The following ESR2 variants were observed in gnomAD, a reference collection of about 807,000 sequenced individuals.
ESR2 encodes the protein estrogen receptor 2.
Under a neutral mutation model 49.6 loss-of-function variants are expected in ESR2, and 36 were observed. The observed-to-expected ratio is 0.73, with a 90% CI of 0.56 to 0.96. ESR2 has a LOEUF of 0.96. Among genes scored for constraint, ESR2 ranks in the 40% least tolerant of loss-of-function variants. The pLI, the probability that ESR2 is intolerant of heterozygous loss-of-function variation, is 0.00. For missense variants in ESR2, 714 were observed against 693.0 expected, an observed-to-expected ratio of 1.03 and a Z score of -0.34; for synonymous variants, 320 against 266.1, an observed-to-expected ratio of 1.20 and a Z score of -1.97.
Position 64,325,675 on chromosome 14 carries a change from C to G in ESR2, c.-91+12223G>C, listed in dbSNP as rs911175468. On this transcript the variant is annotated intron_variant, in intron 1 of 8. Transcript: ENST00000358599. ...TGGATTTTCTTCTACTTCTGCTACC[C>G]CGGAGACAGCAAGACCAACCCCTCC... is the stretch of plus-strand genomic sequence containing the variant. Among the ~76,000 whole-genome samples, 3 of 152,052 alleles carry G rather than the reference C, an allele frequency of 2.0e-5. No individual in the cohort carries two copies. In the South Asian group the frequency reaches 6.2e-4, roughly 31 times the overall value.
chr14:64,246,016 G>A (rs79935155), intron 7 of ESR2, among the ~76,000 whole-genome samples: 2,572 of 152,316 alleles, frequency 0.017, 75 homozygotes, highest in African/African-American at 0.059. Context: ...AGGTCAGAAA[G>A]GGTTGATCTT....
At chr14:64,295,042 C>G (rs893729980), upstream of ESR2, among the ~76,000 whole-genome samples, 2 of 152,216 alleles carry the variant, frequency 1.3e-5, no homozygotes, top group African/African-American at 4.8e-5. Context: ...CTGGTGGCAG[C>G]CCCAGTTCCC....
At chr14:64,282,479 G>A (rs2140818700) in intron 2 of ESR2, 145 bp downstream of exon 2, 2 of 787,378 alleles carry the variant, frequency 2.5e-6, no homozygotes, top group Non-Finnish European at 4.0e-6. Context: ...ATAGAACAGG[G>A]CATCCTGTGT....
At chr14:64,328,860 A>G (rs1202316860) in intron 1 of ESR2, among the ~76,000 whole-genome samples, 1 of 152,074 alleles carries the variant, frequency 6.6e-6, no homozygotes, top group Non-Finnish European at 1.5e-5. Flanking sequence ...ACACAGTCTG[A>G]CTCTAAAGAC....
intron 1 of ESR2, among the ~76,000 whole-genome samples, chr14:64,325,718 A>T (rs370558143): frequency 6.6e-6 from 1 of 152,124 alleles, no homozygotes; most frequent in Admixed American, 6.5e-5. Context: ...CCTCCTTCTC[A>T]GACTACTCAA....
intron 1 of ESR2, among the ~76,000 whole-genome samples, chr14:64,325,076 T>C (rs914841343): frequency 1.3e-5 from 2 of 152,192 alleles, no homozygotes; most frequent in Admixed American, 6.5e-5. Flanking sequence ...TTTTAGGAGA[T>C]ATTGACAAAT....
intron 6 of ESR2, among the ~76,000 whole-genome samples, chr14:64,256,969 C>T (rs556261843): frequency 3.9e-5 from 6 of 152,114 alleles, no homozygotes; most frequent in Non-Finnish European, 7.4e-5. Flanking sequence ...CACATACCTA[C>T]GGGATACAGT....
intron 1 of ESR2, among the ~76,000 whole-genome samples, chr14:64,290,488 G>T (rs754139333): frequency 6.6e-6 from 1 of 151,938 alleles, no homozygotes; most frequent in Non-Finnish European, 1.5e-5. Context: ...CTGTAAACTC[G>T]GCCTCCCAGG....
At chr14:64,254,284 C>A (rs1398333637) in intron 6 of ESR2, among the ~76,000 whole-genome samples, 1 of 152,064 alleles carries the variant, frequency 6.6e-6, no homozygotes, top group Non-Finnish European at 1.5e-5. Flanking sequence ...AAAAAAGAGT[C>A]GTAATAGAAG....
chr14:64,293,350 T>C (rs1187188526), intron 1 of ESR2, among the ~76,000 whole-genome samples: 2 of 152,218 alleles, frequency 1.3e-5, no homozygotes, highest in Non-Finnish European at 2.9e-5. Context: ...AAGTCTGTCC[T>C]CCAAAATGTT....
At chr14:64,301,038 C>A (rs1423366794) in intron 1 of ESR2, among the ~76,000 whole-genome samples, 1 of 152,126 alleles carries the variant, frequency 6.6e-6, no homozygotes. Context: ...GGTGGGTACT[C>A]CTTATGTCTC....
chr14:64,293,830 CTAAA>C (rs776730500), intron 1 of ESR2, among the ~76,000 whole-genome samples, 199 bp downstream of exon 1: 20 of 152,202 alleles, frequency 1.3e-4, no homozygotes, highest in Non-Finnish European at 2.6e-4. Flanking sequence ...ACGGCACAAA[CTAAA>C]TAAGTTAACT....
chr14:64,270,592 C>A (rs1283728007), intron 3 of ESR2, among the ~76,000 whole-genome samples: 1 of 152,044 alleles, frequency 6.6e-6, no homozygotes, highest in Non-Finnish European at 1.5e-5. Flanking sequence ...CTCACTGCAA[C>A]CTCTGCCCCC....
At chr14:64,254,562 C>T (rs1053986591) in intron 6 of ESR2, among the ~76,000 whole-genome samples, 1 of 145,494 alleles carries the variant, frequency 6.9e-6, no homozygotes. Context: ...GCTTGGCCAA[C>T]ATGGTAAAAC....
At chr14:64,331,289 A>C (rs1191747267) in intron 1 of ESR2, among the ~76,000 whole-genome samples, 1 of 152,250 alleles carries the variant, frequency 6.6e-6, no homozygotes, top group East Asian at 1.9e-4. Context: ...ATAACGATAA[A>C]AGGGGCAATT....
At position 64,283,073 on chromosome 14, in the gene ESR2, T is replaced by A; in HGVS notation, c.-88A>T. The A allele has an allele frequency of 1.4e-6, 2 of 1,380,454 alleles. No homozygotes were observed. Among genetic ancestry groups the A allele is most frequent in the Non-Finnish European group, 2.0e-6 (2 of 1,016,650 alleles). 85.5% of individuals were successfully genotyped at this position (1,380,454 alleles called of 1,614,324 possible). On this transcript the variant is annotated splice_region_variant and 5_prime_UTR_variant, in exon 2 of 9. Transcript: ENST00000341099. Reference sequence around the variant, plus strand: ...CTCAAAGATTCGTGGGCAAGTATAATGGCTGTAAAGAAACACAGAAGATAT... The same window carrying A: ...CTCAAAGATTCGTGGGCAAGTATAAAGGCTGTAAAGAAACACAGAAGATAT...
chr14:64,232,465 A>C lies in ESR2; in HGVS notation c.*672T>G, dbSNP rs187851763. On this transcript the variant is annotated 3_prime_UTR_variant, in exon 9 of 9. Coordinates refer to ENST00000341099, the MANE Select transcript of ESR2 (RefSeq NM_001437.3). ...TCACACGCTCATACACACATACCCC[A>C]AATTATTGGCAGGCTCTGTGAATAC... 1 of 152,266 alleles carries C rather than the reference A, an allele frequency of 6.6e-6. No homozygotes were observed. The highest frequency in any genetic ancestry group is 1.5e-5 in the Non-Finnish European group (1 of 68,060). The allele number at this position is 152,266 out of a possible 1,614,324, so 9.4% of individuals were successfully genotyped here.
rs1216484083 is a variant in ESR2 at position 64,232,310 on chromosome 14, A to G, written c.*827T>C. 1.3e-5 allele frequency: 2 copies of G among 152,468 alleles called. No homozygotes were observed. The highest frequency in any genetic ancestry group is 1.9e-4 in the East Asian group (1 of 5,178). The allele number at this position is 152,468 out of a possible 1,614,324, so 9.4% of individuals were successfully genotyped here. Reference sequence around the variant, plus strand: ...TGTGGCTGTCACCCACACCCACAGGAGAGAACCCCATTCCTGCAAACACGG... The same window carrying G: ...TGTGGCTGTCACCCACACCCACAGGGGAGAACCCCATTCCTGCAAACACGG... On this transcript the variant is annotated 3_prime_UTR_variant, in exon 9 of 9. Transcript: ENST00000341099.
intron 3 of ESR2, among the ~76,000 whole-genome samples, chr14:64,274,113 A>AT (rs61539406): frequency 0.081 from 11,540 of 141,784 alleles, 474 homozygotes; most frequent in Non-Finnish European, 0.099. Flanking sequence ...CTAATTTGTA[A>AT]TTTTTTTTTT....
Sources: allele counts gnomAD v4.1 joint callset (sites outside exome capture counted in the v4.1 genomes callset), GRCh38; gene constraint gnomAD v4.1.1; transcripts MANE v1.5; gene names NCBI Gene and HGNC (gene_info 2026-07-23, HGNC 2026-07-21).